SPOCK1: variants seen among roughly 807,000 people sequenced by gnomAD.
SPOCK1 encodes SPARC (osteonectin), cwcv and kazal like domains proteoglycan 1.
SPOCK1 carries 23 observed loss-of-function variants against 55.3 expected under a neutral mutation model. That is an observed-to-expected ratio of 0.42 (90% confidence interval 0.30 to 0.59). SPOCK1 has a LOEUF of 0.59. Among genes scored for constraint, SPOCK1 ranks in the 20% least tolerant of loss-of-function variants. The pLI is 0.22. For synonymous variants in SPOCK1, 226 were observed against 221.0 expected, an observed-to-expected ratio of 1.02 and a Z score of -0.20; for missense variants, 499 against 552.5, an observed-to-expected ratio of 0.90 and a Z score of 0.97.
chr5:137,410,566 C>T (rs1752188613), intron 2 of SPOCK1, among the ~76,000 whole-genome samples: 1 of 152,204 alleles, frequency 6.6e-6, no homozygotes, highest in East Asian at 1.9e-4. Flanking sequence ...GTTCTGTGCC[C>T]TTTGGATAAT....
At chr5:137,078,497 G>A (rs1189223057) in intron 5 of SPOCK1, among the ~76,000 whole-genome samples, 1 of 152,138 alleles carries the variant, frequency 6.6e-6, no homozygotes, top group African/African-American at 2.4e-5. Flanking sequence ...GTGATGGTGG[G>A]TAGGGAGAAA....
intron 3 of SPOCK1, among the ~76,000 whole-genome samples, chr5:137,177,890 G>A (rs917451012): frequency 6.6e-6 from 1 of 152,090 alleles, no homozygotes; most frequent in Non-Finnish European, 1.5e-5. Flanking sequence ...AAATAAAGCT[G>A]GGGAAGTCCA....
intron 8 of SPOCK1, among the ~76,000 whole-genome samples, chr5:136,987,651 A>G (rs1750869255): frequency 6.6e-6 from 1 of 152,182 alleles, no homozygotes; most frequent in South Asian, 2.1e-4. Flanking sequence ...TTGTCTATGC[A>G]TACATAACTT....
At chr5:137,079,544 C>CGA (rs1561601655) in intron 5 of SPOCK1, among the ~76,000 whole-genome samples, 1 of 148,004 alleles carries the variant, frequency 6.8e-6, no homozygotes, top group Non-Finnish European at 1.5e-5. Context: ...CCCCCCCCCC[C>CGA]CGACTTAGTG....
chr5:137,238,385 G>C (rs1484210756), intron 3 of SPOCK1, among the ~76,000 whole-genome samples: 4 of 152,044 alleles, frequency 2.6e-5, no homozygotes, highest in Admixed American at 2.0e-4. Flanking sequence ...TTACAATCTT[G>C]CTCACAATGT....
At chr5:137,134,980 G>A (rs908495127) in intron 4 of SPOCK1, among the ~76,000 whole-genome samples, 8 of 152,230 alleles carry the variant, frequency 5.3e-5, no homozygotes, top group African/African-American at 1.9e-4. Flanking sequence ...TGGAGAATTA[G>A]TTGTTATTCC....
chr5:137,107,683 C>T (rs1026734907), intron 5 of SPOCK1, among the ~76,000 whole-genome samples: 1 of 152,178 alleles, frequency 6.6e-6, no homozygotes, highest in Non-Finnish European at 1.5e-5. Context: ...AAAGACTCCA[C>T]AATGCATCCA....
intron 4 of SPOCK1, among the ~76,000 whole-genome samples, chr5:137,132,274 T>G (rs1305449669): frequency 2.0e-5 from 3 of 151,658 alleles, no homozygotes; most frequent in Non-Finnish European, 4.4e-5. Flanking sequence ...GGGCTCAGGT[T>G]TGTCATTTTC....
intron 2 of SPOCK1, among the ~76,000 whole-genome samples, chr5:137,427,395 T>C (rs1480379321): frequency 6.6e-6 from 1 of 152,210 alleles, no homozygotes; most frequent in African/African-American, 2.4e-5. Context: ...ACAGTTTTTT[T>C]CATTTACTCT....
chr5:137,167,385 A>C (rs901078964), intron 3 of SPOCK1, among the ~76,000 whole-genome samples: 1 of 151,956 alleles, frequency 6.6e-6, no homozygotes, highest in African/African-American at 2.4e-5. Context: ...TCAACACCCC[A>C]GTTTCAGCAC....
Position 137,084,199 on chromosome 5 carries a change from A to AACT in SPOCK1, c.475-16373_475-16371dup, listed in dbSNP as rs1240066049. 2.6e-5 allele frequency among the ~76,000 whole-genome samples: 4 copies of AACT among 151,876 alleles called. No homozygotes were observed. In the East Asian group the frequency reaches 7.8e-4, roughly 29 times the overall value. On this transcript the variant is annotated intron_variant, in intron 5 of 10. Transcript: ENST00000394945. Reference sequence around the variant, plus strand: ...TATGTTGCCTCCATCCCACTTCTGAAACTGTGCCCAGAGTACCTCAGTCAT... The same window carrying AACT: ...TATGTTGCCTCCATCCCACTTCTGAAACTACTGTGCCCAGAGTACCTCAGTCAT...
intron 3 of SPOCK1, among the ~76,000 whole-genome samples, chr5:137,211,124 T>C (rs1755606513): frequency 6.6e-6 from 1 of 152,204 alleles, no homozygotes; most frequent in Non-Finnish European, 1.5e-5. Flanking sequence ...CCCCATCTAA[T>C]GCTATTTCTT....
Position 137,314,320 on chromosome 5 carries a change from G to A in SPOCK1, c.187-47265C>T, listed in dbSNP as rs149267412. On this transcript the variant is annotated intron_variant, in intron 2 of 10. Coordinates refer to ENST00000394945, the MANE Select transcript of SPOCK1 (RefSeq NM_004598.4). ...CTTACTTTCTAATACCAGTTCAAAGGCCTCCAAACTCCAGCCTCACAAACG... is the reference window on the plus strand; with the variant it reads ...CTTACTTTCTAATACCAGTTCAAAGACCTCCAAACTCCAGCCTCACAAACG... Among the ~76,000 whole-genome samples, 338 of 152,112 alleles carry A rather than the reference G, an allele frequency of 2.2e-3. 1 individual carries two copies. The highest frequency in any genetic ancestry group is 7.8e-3 in the African/African-American group (325 of 41,486).
intron 3 of SPOCK1, among the ~76,000 whole-genome samples, chr5:137,205,266 T>C (rs570125135): frequency 2.6e-5 from 4 of 152,260 alleles, no homozygotes; most frequent in South Asian, 2.1e-4. Context: ...TTTCTCTACA[T>C]GGTTTCAGAA....
chr5:137,153,471 T>C (rs982486531), intron 3 of SPOCK1, among the ~76,000 whole-genome samples: 1 of 152,184 alleles, frequency 6.6e-6, no homozygotes, highest in Non-Finnish European at 1.5e-5. Context: ...ATTATAACCA[T>C]TGAGAATTTA....
chr5:137,179,823 T>C (rs1349579608), intron 3 of SPOCK1, among the ~76,000 whole-genome samples: 3 of 152,150 alleles, frequency 2.0e-5, no homozygotes, highest in Non-Finnish European at 2.9e-5. Flanking sequence ...TACTACTTCC[T>C]GGGGCTTTTC....
intron 2 of SPOCK1, among the ~76,000 whole-genome samples, chr5:137,269,001 T>C (rs1756910675): frequency 1.2e-5 from 1 of 83,838 alleles, no homozygotes; most frequent in Non-Finnish European, 2.4e-5. Context: ...TATTCCCTAA[T>C]GATTTCAACA....
At chr5:137,189,199 G>A (rs1374093757) in intron 3 of SPOCK1, among the ~76,000 whole-genome samples, 1 of 152,272 alleles carries the variant, frequency 6.6e-6, no homozygotes, top group Non-Finnish European at 1.5e-5. Flanking sequence ...GAGAATTGGT[G>A]AAGGTGGCTA....
intron 3 of SPOCK1, among the ~76,000 whole-genome samples, chr5:137,156,498 C>A (rs1478637217): frequency 1.3e-5 from 2 of 152,108 alleles, no homozygotes; most frequent in African/African-American, 2.4e-5. Context: ...GTTTGACAAC[C>A]AATAATTCAT....
Sources: allele counts gnomAD v4.1 joint callset (sites outside exome capture counted in the v4.1 genomes callset), GRCh38; gene constraint gnomAD v4.1.1; transcripts MANE v1.5; gene names NCBI Gene and HGNC (gene_info 2026-07-23, HGNC 2026-07-21).